Variants in PRKAR1A observed in about 807,000 individuals in gnomAD.
PRKAR1A encodes protein kinase cAMP-dependent type I regulatory subunit alpha, also known as cAMP-dependent protein kinase type I-alpha regulatory subunit.
In PRKAR1A, 3 loss-of-function variants were observed where a neutral mutation model predicts 52.0. The observed-to-expected ratio is 0.06, with a 90% CI of 0.03 to 0.15. PRKAR1A has a LOEUF of 0.15. PRKAR1A is among the 10% of genes least tolerant of loss of function. The probability of loss-of-function intolerance (pLI) is 1.00; values close to 1 mark genes in which losing one functional copy is unlikely to be tolerated. For synonymous variants in PRKAR1A, 188 were observed against 168.4 expected (o/e 1.12, Z -0.90); for missense variants, 240 against 477.4 (o/e 0.50, Z 4.63).
chr17:68,440,508 A>G, the PRKAR1A span, among the ~76,000 whole-genome samples: 5 of 152,230 alleles, frequency 3.3e-5, no homozygotes, highest in Non-Finnish European at 5.9e-5. Flanking sequence ...GAGAAAAAAA[A>G]TCACCCACAA....
chr17:68,493,192 G>A, the PRKAR1A span, among the ~76,000 whole-genome samples: 1 of 152,042 alleles, frequency 6.6e-6, no homozygotes, highest in Non-Finnish European at 1.5e-5. Context: ...TGCTGGGCTT[G>A]ATACCCAGGC....
chr17:68,531,466 A>C lies in PRKAR1A; in HGVS notation c.*1017A>C. 9.4e-7 allele frequency: 1 copy of C among 1,066,242 alleles called. No individual in the cohort carries two copies. The highest frequency in any genetic ancestry group is 1.1e-6 in the Non-Finnish European group (1 of 879,652). 66.0% of individuals were successfully genotyped at this position (1,066,242 alleles called of 1,614,324 possible). A position where few individuals can be genotyped will look rare whatever the true frequency, so the allele number is the denominator to read the frequency against. On this transcript the variant is annotated 3_prime_UTR_variant, in exon 11 of 11. Coordinates refer to ENST00000589228, the MANE Select transcript of PRKAR1A (RefSeq NM_002734.5). The stretch of plus-strand genomic sequence containing the variant: ...TAGAGGTGATGCTGCTAAAGGGAGA[A>C]ATGCCAGGCGGACAAAGTTCAGTGT...
chr17:68,514,636 C>T (rs1308711896), intron 1 of PRKAR1A, among the ~76,000 whole-genome samples: 2 of 152,182 alleles, frequency 1.3e-5, no homozygotes, highest in African/African-American at 4.8e-5. Context: ...AGTGTTTTAA[C>T]ATTCTCCTGT....
At chr17:68,499,403 A>AGG in the PRKAR1A span, among the ~76,000 whole-genome samples, 1 of 145,718 alleles carries the variant, frequency 6.9e-6, no homozygotes, top group South Asian at 2.2e-4. Flanking sequence ...AGAGAGAGAG[A>AGG]GAGGAGGGAT....
At chr17:68,491,615 C>T in the PRKAR1A span, among the ~76,000 whole-genome samples, 1 of 152,058 alleles carries the variant, frequency 6.6e-6, no homozygotes, top group African/African-American at 2.4e-5. Flanking sequence ...GAGAGGAACA[C>T]TTGTGGAAAG....
At chr17:68,523,629 C>T (rs2085686582) in intron 3 of PRKAR1A, 96 bp from the exon 4 acceptor site, 2 of 926,378 alleles carry the variant, frequency 2.2e-6, no homozygotes, top group Non-Finnish European at 1.8e-6. Context: ...TGTTTAAATA[C>T]CATAATGTGG....
the PRKAR1A span, among the ~76,000 whole-genome samples, chr17:68,501,536 G>A: frequency 6.6e-6 from 1 of 152,250 alleles, no homozygotes; most frequent in South Asian, 2.1e-4. Flanking sequence ...GCTCACTGCA[G>A]CCTTGAACTC....
At chr17:68,492,412 G>A in the PRKAR1A span, among the ~76,000 whole-genome samples, 10 of 152,198 alleles carry the variant, frequency 6.6e-5, no homozygotes, top group African/African-American at 2.4e-4. Context: ...CCACCCCTGC[G>A]AGCCAGCCGT....
chr17:68,454,113 A>G, the PRKAR1A span, among the ~76,000 whole-genome samples: 1 of 152,272 alleles, frequency 6.6e-6, no homozygotes, highest in Non-Finnish European at 1.5e-5. Context: ...GAGGAGATAA[A>G]GACAGGACGT....
chr17:68,473,844 G>C, the PRKAR1A span, among the ~76,000 whole-genome samples: 6 of 152,142 alleles, frequency 3.9e-5, no homozygotes, highest in African/African-American at 1.4e-4. Flanking sequence ...TATATGGATT[G>C]TTGATTTCTG....
chr17:68,435,531 T>C, the PRKAR1A span: 805 of 1,287,908 alleles, frequency 6.3e-4, 12 homozygotes, highest in South Asian at 7.5e-3. Context: ...TCAGTCTTCA[T>C]GTCACCAGGT....
At chr17:68,420,216 C>T in the PRKAR1A span, 237,233 of 1,613,876 alleles carry the variant, frequency 0.15, 18,593 homozygotes, top group Non-Finnish European at 0.16. Context: ...GATGGGAGCA[C>T]GGGGCCTGAG....
At chr17:68,548,130 C>T (rs925267902) in intron 11 of PRKAR1A, among the ~76,000 whole-genome samples, 6 of 152,198 alleles carry the variant, frequency 3.9e-5, no homozygotes, top group African/African-American at 1.4e-4. Context: ...TGCAGTGGCT[C>T]ACACCTGTAA....
chr17:68,540,794 C>G, intron 11 of PRKAR1A: 1 of 1,554,342 alleles, frequency 6.4e-7, no homozygotes. Flanking sequence ...TCACGGGGAA[C>G]CCTAGCCACA....
At chr17:68,447,110 C>T in the PRKAR1A span, among the ~76,000 whole-genome samples, 1 of 152,192 alleles carries the variant, frequency 6.6e-6, no homozygotes. Context: ...TAAGCAATAA[C>T]TCCTTTTATC....
chr17:68,473,586 G>A, the PRKAR1A span, among the ~76,000 whole-genome samples: 2 of 151,978 alleles, frequency 1.3e-5, no homozygotes, highest in Non-Finnish European at 2.9e-5. Context: ...GCAGTGGCAC[G>A]ATCTCAGCTC....
At chr17:68,536,554 C>T (rs1242678300), downstream of PRKAR1A, 1 of 453,934 alleles carries the variant, frequency 2.2e-6, no homozygotes, top group African/African-American at 2.0e-5. Context: ...TCTAGAGGGC[C>T]TCACCTTTCC....
At chr17:68,437,525 G>C in the PRKAR1A span, among the ~76,000 whole-genome samples, 1 of 151,764 alleles carries the variant, frequency 6.6e-6, no homozygotes, top group Non-Finnish European at 1.5e-5. Context: ...CTGCACTCCA[G>C]CCTGGGTGAG....
upstream of PRKAR1A, among the ~76,000 whole-genome samples, chr17:68,507,708 A>T (rs1326433298): frequency 6.7e-6 from 1 of 148,340 alleles, no homozygotes; most frequent in African/African-American, 2.5e-5. Flanking sequence ...TTTTCACATT[A>T]AAAAAAAAAG....
Sources: gnomAD v4.1 joint callset for allele counts (sites outside exome capture counted in the v4.1 genomes callset) on GRCh38, gnomAD v4.1.1 for gene constraint, MANE v1.5 for transcripts, NCBI Gene and HGNC (gene_info 2026-07-23, HGNC 2026-07-21) for gene names.